ARHGAP20: variants seen among roughly 807,000 people sequenced by gnomAD.
ARHGAP20 encodes rho GTPase-activating protein 20.
ARHGAP20 carries 34 observed loss-of-function variants against 73.7 expected under a neutral mutation model. The ratio of observed to expected loss-of-function variants is 0.46; its 90% CI spans 0.35 to 0.61. The LOEUF (loss-of-function observed/expected upper bound fraction) is 0.61. ARHGAP20 is among the 20% of genes least tolerant of loss of function. The probability of loss-of-function intolerance (pLI) is 0.00; values close to 1 mark genes in which losing one functional copy is unlikely to be tolerated. For missense variants in ARHGAP20, 1,314 were observed against 1,420.9 expected, an observed-to-expected ratio of 0.92 and a Z score of 1.21; for synonymous variants, 523 against 518.2, an observed-to-expected ratio of 1.01 and a Z score of -0.13.
At chr11:110,660,054 T>G (rs935312021) in intron 2 of ARHGAP20, among the ~76,000 whole-genome samples, 4 of 47,268 alleles carry the variant, frequency 8.5e-5, no homozygotes, top group African/African-American at 3.0e-4. Flanking sequence ...TAAAGTATAA[T>G]AAAAAACAAA....
chr11:110,690,115 T>TA (rs903495644), intron 2 of ARHGAP20, among the ~76,000 whole-genome samples: 2 of 152,172 alleles, frequency 1.3e-5, no homozygotes, highest in African/African-American at 4.8e-5. Flanking sequence ...TATTCCATTT[T>TA]AAAAAATAAT....
At chr11:110,594,236 G>A (rs1206885882) in intron 9 of ARHGAP20, among the ~76,000 whole-genome samples, 1 of 152,114 alleles carries the variant, frequency 6.6e-6, no homozygotes, top group Non-Finnish European at 1.5e-5. Flanking sequence ...TACAGCAAAT[G>A]CATCATCAAT....
intron 9 of ARHGAP20, among the ~76,000 whole-genome samples, chr11:110,603,432 T>TA (rs748292446): frequency 2.2e-4 from 34 of 152,192 alleles, no homozygotes; most frequent in Non-Finnish European, 4.3e-4. Context: ...AGTGCTTACA[T>TA]ACAAAGTTTA....
chr11:110,600,266 C>G (rs1001548335), intron 9 of ARHGAP20, among the ~76,000 whole-genome samples: 1 of 152,236 alleles, frequency 6.6e-6, no homozygotes, highest in Non-Finnish European at 1.5e-5. Context: ...GAGCTGGGAG[C>G]TCCCTGAGCA....
chr11:110,656,617 G>A (rs1274371796), intron 2 of ARHGAP20, among the ~76,000 whole-genome samples: 1 of 152,088 alleles, frequency 6.6e-6, no homozygotes, highest in African/African-American at 2.4e-5. Context: ...TAGGCCCTGG[G>A]GATGAGAGGG....
At chr11:110,690,863 G>T in intron 1 of ARHGAP20, 1 of 1,003,816 alleles carries the variant, frequency 1.0e-6, no homozygotes, top group Non-Finnish European at 1.4e-6. Context: ...TGTGGTCAGA[G>T]AATAAAGAGG....
At position 110,709,440 on chromosome 11, in the gene ARHGAP20, TA is replaced by T. The variant is rs374677482; in HGVS notation, c.105+2686del. ...TTTTCAATCTGGTGACAGATGTGGG[TA>T]ACAGATAACAAGCAAGTAAATAAGA... On this transcript the variant is annotated intron_variant, in intron 1 of 14. Transcript: ENST00000683387. Among the ~76,000 whole-genome samples, 409 of 152,268 alleles carry T rather than the reference TA, an allele frequency of 2.7e-3. 2 individuals carry two copies. Among genetic ancestry groups the T allele is most frequent in the Middle Eastern group, 0.01 (3 of 294 alleles).
At chr11:110,711,571 GC>G in intron 1 of ARHGAP20, 5 of 1,450,726 alleles carry the variant, frequency 3.4e-6, no homozygotes, top group Admixed American at 2.4e-5. Flanking sequence ...CCCCATATCT[GC>G]CCCCCGAAAA....
chr11:110,678,358 C>T (rs890991234), intron 2 of ARHGAP20, among the ~76,000 whole-genome samples: 1 of 152,154 alleles, frequency 6.6e-6, no homozygotes, highest in African/African-American at 2.4e-5. Context: ...GTGAATTATA[C>T]CATAAGAACT....
At chr11:110,595,303 C>T (rs1327741490) in intron 9 of ARHGAP20, among the ~76,000 whole-genome samples, 1 of 152,070 alleles carries the variant, frequency 6.6e-6, no homozygotes, top group East Asian at 1.9e-4. Context: ...GGCAATCAGG[C>T]AGGAGAAGGA....
intron 1 of ARHGAP20, among the ~76,000 whole-genome samples, chr11:110,705,290 C>G (rs1172696576): frequency 6.6e-6 from 1 of 152,118 alleles, no homozygotes; most frequent in Non-Finnish European, 1.5e-5. Context: ...AGCTCTCCCC[C>G]ATCCACTGAA....
At chr11:110,699,985 A>G (rs1342038058) in intron 1 of ARHGAP20, among the ~76,000 whole-genome samples, 1 of 152,080 alleles carries the variant, frequency 6.6e-6, no homozygotes, top group Non-Finnish European at 1.5e-5. Context: ...TATTTTCAAT[A>G]ACAATGCAGA....
At position 110,711,946 on chromosome 11, in the gene ARHGAP20, G is replaced by A. The variant is rs1035539772; in HGVS notation, c.105+181C>T. On this transcript the variant is annotated intron_variant, in intron 1 of 14. Coordinates refer to ENST00000683387, the MANE Select transcript of ARHGAP20 (RefSeq NM_001384657.1). ...AGCGGGCGCTCTGCGGGAGGCGGCG[G>A]CGCTGCCGCTGGCCGTCAAGGGCGG... 7.2e-6 allele frequency: 9 copies of A among 1,253,036 alleles called. No individual in the cohort carries two copies. The Admixed American group carries it at 2.9e-4, about 41-fold the overall frequency. 77.6% of individuals were successfully genotyped at this position (1,253,036 alleles called of 1,614,324 possible). A position where few individuals can be genotyped will look rare whatever the true frequency, so the allele number is the denominator to read the frequency against.
At chr11:110,625,122 C>G (rs968012140) in intron 3 of ARHGAP20, among the ~76,000 whole-genome samples, 38 of 149,470 alleles carry the variant, frequency 2.5e-4, no homozygotes, top group Non-Finnish European at 4.9e-4. Flanking sequence ...ACTGCAAGCT[C>G]CGCTTCCCGG....
chr11:110,622,409 A>G (rs1295977585), intron 4 of ARHGAP20, among the ~76,000 whole-genome samples: 1 of 152,210 alleles, frequency 6.6e-6, no homozygotes, highest in Non-Finnish European at 1.5e-5. Flanking sequence ...TTCCCTACAT[A>G]GTTCTCATGC....
intron 9 of ARHGAP20, among the ~76,000 whole-genome samples, chr11:110,605,932 T>C (rs904545055): frequency 3.3e-5 from 5 of 152,378 alleles, no homozygotes; most frequent in Middle Eastern, 3.4e-3. Context: ...TTTTCTTCTG[T>C]TGCTTATACA....
In ARHGAP20 at chr11:110,579,680, T is replaced by C. The variant is rs780300469; in HGVS notation, c.3266A>G (p.Glu1089Gly). 40 of 1,614,072 alleles carry C rather than the reference T, an allele frequency of 2.5e-5. No homozygotes were observed. Among genetic ancestry groups the C allele is most frequent in the Non-Finnish European group, 3.4e-5 (40 of 1,180,040 alleles). The change falls in exon 15 of 15, where the codon GAA (glutamate) becomes GGA (glycine). Residue 1089 changes from glutamate (E) to glycine (G), a missense_variant. Glu to Gly is a moderately conservative substitution (Grantham distance 98). Around this residue, in one of 3 missense-constraint regions of ARHGAP20, gnomAD observed 641 missense variants for 636.9 expected, o/e 1.01. Coordinates refer to ENST00000683387, the MANE Select transcript of ARHGAP20 (RefSeq NM_001384657.1). ...GVPEANSLQE[E>G]QKDLPLRAAE... ...TGCCCTTAAGGGCAAGTCTTTTTGTTCCTCTTGCAGTGAGTTGGCTTCTGG... is the reference window on the plus strand; with the variant it reads ...TGCCCTTAAGGGCAAGTCTTTTTGTCCCTCTTGCAGTGAGTTGGCTTCTGG...
chr11:110,642,786 A>T (rs1949103287), intron 2 of ARHGAP20, among the ~76,000 whole-genome samples: 4 of 152,054 alleles, frequency 2.6e-5, no homozygotes, highest in Admixed American at 1.3e-4. Flanking sequence ...ATATCAAGAT[A>T]ATGCTGGCTT....
chr11:110,577,711 A>G lies in ARHGAP20; in HGVS notation c.*1659T>C. 1 of 985,952 alleles carries G rather than the reference A, an allele frequency of 1.0e-6. No homozygotes were observed. Among genetic ancestry groups the G allele is most frequent in the South Asian group, 4.7e-5 (1 of 21,288 alleles). 61.1% of individuals were successfully genotyped at this position (985,952 alleles called of 1,614,324 possible). Reference sequence around the variant, plus strand: ...GTGACTCAGATGGCCAGTGTCACGAAGTAGCTCTTTGGATACAGAGTTCTA... The same window carrying G: ...GTGACTCAGATGGCCAGTGTCACGAGGTAGCTCTTTGGATACAGAGTTCTA... On this transcript the variant is annotated 3_prime_UTR_variant, in exon 15 of 15. Transcript: ENST00000683387.
Sources: gnomAD v4.1 joint callset for allele counts (sites outside exome capture counted in the v4.1 genomes callset) on GRCh38, gnomAD v4.1.1 for gene constraint, gnomAD v4.1.1 regional missense constraint, MANE v1.5 for transcripts, NCBI Gene and HGNC (gene_info 2026-07-23, HGNC 2026-07-21) for gene names.